Variants in GRID1 observed in about 807,000 individuals in gnomAD.
GRID1 encodes glutamate receptor ionotropic, delta-1.
A neutral mutation model predicts 98.0 loss-of-function variants in GRID1; 28 were observed. That is an observed-to-expected ratio of 0.29 (90% CI 0.21 to 0.39). GRID1 has a LOEUF of 0.39. Ranked by LOEUF, GRID1 falls within the 10% of genes least tolerant of loss-of-function variation. The pLI is 1.00. For synonymous variants in GRID1, 553 were observed against 538.5 expected (o/e 1.03, Z -0.37); for missense variants, 1,111 against 1,340.5 (o/e 0.83, Z 2.67).
chr10:86,231,770 C>T (rs1221605524), intron 2 of GRID1, among the ~76,000 whole-genome samples: 2 of 152,204 alleles, frequency 1.3e-5, no homozygotes, highest in Admixed American at 6.5e-5. Context: ...TAGTCTGTGC[C>T]TCCTATTGTA....
chr10:86,365,924 C>T lies in GRID1; in HGVS notation c.79+390G>A, dbSNP rs1848669864. ...GTCCGGCCTCTTTGATCTTGCCCTG[C>T]CAACTTGGCGAGCCCCCCGCTGTAC... On this transcript the variant is annotated intron_variant, in intron 1 of 15. Coordinates refer to ENST00000327946, the MANE Select transcript of GRID1 (RefSeq NM_017551.3). The surrounding 1 kb of genome is among the most constrained non-coding windows in gnomAD (Gnocchi z 4.8). Among the ~76,000 whole-genome samples the T allele has an allele frequency of 6.6e-6, 1 of 151,112 alleles. No homozygotes were observed.
chr10:86,322,468 G>C (rs1010148554), intron 2 of GRID1, among the ~76,000 whole-genome samples: 1 of 152,244 alleles, frequency 6.6e-6, no homozygotes, highest in East Asian at 1.9e-4. Context: ...CTGGAGTGCA[G>C]TGGCATGATC....
chr10:85,911,587 T>C (rs999051975), intron 5 of GRID1, among the ~76,000 whole-genome samples: 2 of 152,210 alleles, frequency 1.3e-5, no homozygotes, highest in Admixed American at 1.3e-4. Flanking sequence ...TATGTGTGCA[T>C]ACCCACATCA....
At chr10:85,877,734 G>A (rs192300426) in intron 5 of GRID1, among the ~76,000 whole-genome samples, 98 of 152,080 alleles carry the variant, frequency 6.4e-4, no homozygotes, top group Non-Finnish European at 1.0e-3. Flanking sequence ...CCAAAGGAAC[G>A]CAGCTCCTCA....
At chr10:86,096,071 A>G (rs1342114293) in intron 4 of GRID1, among the ~76,000 whole-genome samples, 1 of 152,204 alleles carries the variant, frequency 6.6e-6, no homozygotes, top group Non-Finnish European at 1.5e-5. Flanking sequence ...ACTGGAGACT[A>G]TTATTCTAAG....
At position 85,901,227 on chromosome 10, in the gene GRID1, T is replaced by TTTA. The variant is rs780383598; in HGVS notation, c.780+14958_780+14959insTAA. ...TTATTTATTCATTTATTTTATTTTA[T>TTTA]TTTATTTATTTATTTATTTATTTAT... On this transcript the variant is annotated intron_variant, in intron 5 of 15. Transcript: ENST00000327946. Among the ~76,000 whole-genome samples the TTTA allele has an allele frequency of 1.6e-4, 23 of 146,340 alleles. 2 individuals are homozygous for TTTA. Among genetic ancestry groups the TTTA allele is most frequent in the African/African-American group, 6.0e-4 (23 of 38,348 alleles).
At chr10:85,761,474 G>A (rs991187828) in intron 8 of GRID1, among the ~76,000 whole-genome samples, 2 of 152,206 alleles carry the variant, frequency 1.3e-5, no homozygotes, top group African/African-American at 4.8e-5. Flanking sequence ...GCTAAGCCAA[G>A]GACAAGGTCA....
At chr10:85,903,427 C>T (rs917867021) in intron 5 of GRID1, among the ~76,000 whole-genome samples, 2 of 152,102 alleles carry the variant, frequency 1.3e-5, no homozygotes, top group East Asian at 1.9e-4. Context: ...CTACTTCTTA[C>T]CTCCTCCATA....
At chr10:86,122,438 G>A (rs1844690341) in intron 4 of GRID1, among the ~76,000 whole-genome samples, 1 of 152,216 alleles carries the variant, frequency 6.6e-6, no homozygotes, top group South Asian at 2.1e-4. Context: ...ATTTCCAGGG[G>A]CTGACGGCCA....
intron 4 of GRID1, among the ~76,000 whole-genome samples, chr10:86,058,451 C>T (rs531350783): frequency 7.9e-5 from 12 of 152,338 alleles, no homozygotes; most frequent in Non-Finnish European, 1.5e-4. Context: ...TCAGCCCACA[C>T]TCCTGAGTCC....
chr10:86,109,770 C>T (rs932530567), intron 4 of GRID1, among the ~76,000 whole-genome samples: 2 of 152,148 alleles, frequency 1.3e-5, no homozygotes, highest in African/African-American at 4.8e-5. Flanking sequence ...TGATTCTAAC[C>T]TGCAGGCCAG....
intron 12 of GRID1, among the ~76,000 whole-genome samples, chr10:85,694,582 ATATATATATATATATATAT>A (rs1841371528): frequency 2.2e-5 from 2 of 90,380 alleles, no homozygotes; most frequent in African/African-American, 6.0e-5. Flanking sequence ...ATATATATAT[ATATATATATATATATATAT>A]AATGGAATAT....
rs117396866 is a variant in GRID1, at chr10:85,892,243, C to T, written c.781-23063G>A. On this transcript the variant is annotated intron_variant, in intron 5 of 15. Transcript: ENST00000327946. ...AAAAAAAAAACAGGAAAAAGATCAA[C>T]AGAGCATTAGTGAGAATAGAATAAT... 3.8e-3 allele frequency among the ~76,000 whole-genome samples: 558 copies of T among 145,076 alleles called. 3 individuals are homozygous for T. The highest frequency in any genetic ancestry group is 5.9e-3 in the Admixed American group (86 of 14,610).
intron 6 of GRID1, among the ~76,000 whole-genome samples, chr10:85,867,177 A>G (rs998249594): frequency 6.6e-6 from 1 of 152,180 alleles, no homozygotes; most frequent in Non-Finnish European, 1.5e-5. Flanking sequence ...CACCCACAGC[A>G]AAAGGGGGCA....
intron 4 of GRID1, among the ~76,000 whole-genome samples, chr10:85,984,019 C>G (rs1659717135): frequency 6.6e-6 from 1 of 152,120 alleles, no homozygotes; most frequent in South Asian, 2.1e-4. Context: ...GAGTGTCAGC[C>G]TGTCTCCTCC....
At chr10:85,796,434 C>G (rs188683347) in intron 8 of GRID1, among the ~76,000 whole-genome samples, 9 of 152,252 alleles carry the variant, frequency 5.9e-5, no homozygotes, top group African/African-American at 2.2e-4. Context: ...TTCAGACCTT[C>G]CATTTTATAC....
intron 2 of GRID1, among the ~76,000 whole-genome samples, chr10:86,345,217 T>C (rs1460515118): frequency 2.0e-5 from 3 of 152,236 alleles, no homozygotes; most frequent in Non-Finnish European, 4.4e-5. Context: ...CTGCCATATG[T>C]TATGAAATGC....
In GRID1 at chr10:85,942,729, T is replaced by A. The variant is rs529385957; in HGVS notation, c.727-26490A>T. Among the ~76,000 whole-genome samples the A allele has an allele frequency of 2.0e-5, 3 of 152,340 alleles. No individual in the cohort carries two copies. In the East Asian group the frequency reaches 5.8e-4, roughly 29 times the overall value. On this transcript the variant is annotated intron_variant, in intron 4 of 15. Transcript: ENST00000327946. ...TAGATTACAAAAGTCTATTTTGAAATTCCAAAGCTGAAATTAACTTTTGTC... is the reference window on the plus strand; with the variant it reads ...TAGATTACAAAAGTCTATTTTGAAAATCCAAAGCTGAAATTAACTTTTGTC...
At chr10:85,712,865 G>A (rs1430247024) in intron 12 of GRID1, among the ~76,000 whole-genome samples, 1 of 151,676 alleles carries the variant, frequency 6.6e-6, no homozygotes, top group Admixed American at 6.6e-5. Flanking sequence ...AAAAATTCTT[G>A]AGGCAAATAA....
Sources: gnomAD v4.1 joint callset for allele counts (sites outside exome capture counted in the v4.1 genomes callset) on GRCh38, gnomAD v4.1.1 for gene constraint, Gnocchi (gnomAD v3.1) non-coding constraint, MANE v1.5 for transcripts, NCBI Gene and HGNC (gene_info 2026-07-23, HGNC 2026-07-21) for gene names.